ADGRL3: variants seen among roughly 807,000 people sequenced by gnomAD.
The protein encoded by ADGRL3 is adhesion G protein-coupled receptor L3.
In ADGRL3, 62 loss-of-function variants were observed where a neutral mutation model predicts 153.5. The observed-to-expected ratio is 0.40, with a 90% CI of 0.33 to 0.50. The LOEUF is 0.50. ADGRL3 is among the 20% of genes least tolerant of loss of function. The pLI is 0.47. For missense variants in ADGRL3, 1,641 were observed against 1,859.4 expected, an observed-to-expected ratio of 0.88 and a Z score of 2.16; for synonymous variants, 710 against 672.5, an observed-to-expected ratio of 1.06 and a Z score of -0.86.
intron 8 of ADGRL3, among the ~76,000 whole-genome samples, chr4:61,768,810 T>G (rs1222043130): frequency 2.0e-5 from 3 of 149,554 alleles, no homozygotes; most frequent in African/African-American, 2.5e-5. Context: ...GGGGTGGGGG[T>G]TTCTTCCCCT....
At position 61,757,105 on chromosome 4, in the gene ADGRL3, G is replaced by C. The variant is rs990117104; in HGVS notation, c.1399+23551G>C. On this transcript the variant is annotated intron_variant, in intron 8 of 26. Coordinates refer to ENST00000683033, the MANE Select transcript of ADGRL3 (RefSeq NM_001387552.1). ...TCTTTTTTGGTTGTGTCTCTGCCCG[G>C]CTTTTGGTTCAGGATGATGCTGGCC... 3.9e-5 allele frequency among the ~76,000 whole-genome samples: 6 copies of C among 152,216 alleles called. No homozygotes were observed. In the South Asian group the frequency reaches 6.2e-4, roughly 16 times the overall value.
intron 17 of ADGRL3, among the ~76,000 whole-genome samples, chr4:61,958,592 G>A (rs2098976657): frequency 6.6e-6 from 1 of 152,114 alleles, no homozygotes; most frequent in Admixed American, 6.5e-5. Flanking sequence ...GGCAGAAGGT[G>A]AAGGGGAAGC....
chr4:61,300,372 G>A (rs888301230), intron 1 of ADGRL3, among the ~76,000 whole-genome samples: 5 of 152,172 alleles, frequency 3.3e-5, no homozygotes, highest in South Asian at 2.1e-4. Context: ...CAAGCTTAAT[G>A]TACAATCTAT....
chr4:61,953,669 C>A (rs1289004742), intron 17 of ADGRL3, among the ~76,000 whole-genome samples: 2 of 152,110 alleles, frequency 1.3e-5, no homozygotes, highest in East Asian at 3.9e-4. Context: ...GAAACTGCAG[C>A]TAGAGTCATA....
intron 21 of ADGRL3, among the ~76,000 whole-genome samples, chr4:62,027,424 T>A (rs1191839426): frequency 1.3e-5 from 2 of 152,040 alleles, no homozygotes; most frequent in Non-Finnish European, 2.9e-5. Flanking sequence ...TTGTGACTGA[T>A]ATGACTGAGG....
intron 4 of ADGRL3, among the ~76,000 whole-genome samples, chr4:61,549,289 C>T (rs1452145954): frequency 2.0e-5 from 3 of 151,938 alleles, no homozygotes; most frequent in African/African-American, 7.2e-5. Flanking sequence ...TTCCTCTCTT[C>T]CTATTTGGAT....
At position 62,057,830 on chromosome 4, in the gene ADGRL3, G is replaced by A. The variant is rs1011844305; in HGVS notation, c.3815-10336G>A. Among the ~76,000 whole-genome samples the A allele has an allele frequency of 5.3e-5, 8 of 151,730 alleles. No homozygotes were observed. In the East Asian group the frequency reaches 5.8e-4, roughly 11 times the overall value. On this transcript the variant is annotated intron_variant, in intron 25 of 26. Transcript: ENST00000683033. ...GTAGCTGGTACTACAGGCACACTCC[G>A]CCACGCCTGGCCAATTTTTTTGTAT... is the stretch of plus-strand genomic sequence containing the variant.
At chr4:61,246,229 T>C (rs773569265) in intron 1 of ADGRL3, among the ~76,000 whole-genome samples, 7 of 152,038 alleles carry the variant, frequency 4.6e-5, no homozygotes, top group Non-Finnish European at 1.0e-4. Context: ...TTCTGGTTCT[T>C]TTCCCTCACT....
chr4:61,754,419 G>C (rs1561187404), intron 8 of ADGRL3, among the ~76,000 whole-genome samples: 1 of 151,870 alleles, frequency 6.6e-6, no homozygotes, highest in Non-Finnish European at 1.5e-5. Context: ...GAGAGAAAAA[G>C]AGAAGAAGTT....
rs1026909527 is a variant in ADGRL3 at position 62,074,809 on chromosome 4, T to A, written c.*3901T>A. The A allele has an allele frequency of 6.6e-6, 1 of 152,188 alleles. No homozygotes were observed. Among genetic ancestry groups the A allele is most frequent in the African/African-American group, 2.4e-5 (1 of 41,450 alleles). 9.4% of individuals were successfully genotyped at this position (152,188 alleles called of 1,614,324 possible). On this transcript the variant is annotated 3_prime_UTR_variant, in exon 27 of 27. Coordinates refer to ENST00000683033, the MANE Select transcript of ADGRL3 (RefSeq NM_001387552.1). ...CATATTAAGGAAAGGATCTTTAAGATCTAGGTTTAAGATTCTTATTAGTAT... is the reference window on the plus strand; with the variant it reads ...CATATTAAGGAAAGGATCTTTAAGAACTAGGTTTAAGATTCTTATTAGTAT...
intron 5 of ADGRL3, among the ~76,000 whole-genome samples, chr4:61,649,406 G>T: frequency 6.6e-6 from 1 of 151,990 alleles, no homozygotes; most frequent in South Asian, 2.1e-4. Context: ...TTAATTCTCA[G>T]AACCTGTTCG....
chr4:61,267,863 T>A (rs943967829), intron 1 of ADGRL3, among the ~76,000 whole-genome samples: 1 of 151,482 alleles, frequency 6.6e-6, no homozygotes, highest in Non-Finnish European at 1.5e-5. Flanking sequence ...TTGATTAGAG[T>A]ACTATAATTA....
chr4:62,032,410 C>T lies in ADGRL3; in HGVS notation c.3591+800C>T, dbSNP rs566671816. On this transcript the variant is annotated intron_variant, in intron 23 of 26. Coordinates refer to ENST00000683033, the MANE Select transcript of ADGRL3 (RefSeq NM_001387552.1). ...GTGATCTCGATAGGTCCAGTCACAA[C>T]GACCCCTCAGCCAGATTGCCTGGGT... is the stretch of plus-strand genomic sequence containing the variant. Among the ~76,000 whole-genome samples, 5 of 151,390 alleles carry T rather than the reference C, an allele frequency of 3.3e-5. No individual in the cohort carries two copies. The South Asian group carries it at 6.2e-4, about 19-fold the overall frequency.
chr4:61,692,299 C>T (rs957906666), intron 6 of ADGRL3, among the ~76,000 whole-genome samples: 1 of 149,960 alleles, frequency 6.7e-6, no homozygotes, highest in Admixed American at 6.7e-5. Flanking sequence ...TTCTTTTCTA[C>T]CCTCTTCTCT....
chr4:61,313,017 A>G lies in ADGRL3; in HGVS notation c.-239-70107A>G, dbSNP rs144494289. ...TGGATAAGCAGACAGTGGTATATCC[A>G]TACAATGGTGTGTTATTCAGAGATA... On this transcript the variant is annotated intron_variant, in intron 1 of 26. Transcript: ENST00000683033. 2.0e-5 allele frequency among the ~76,000 whole-genome samples: 3 copies of G among 152,334 alleles called. No individual in the cohort carries two copies. The East Asian group carries it at 5.8e-4, about 29-fold the overall frequency.
chr4:61,709,132 T>A (rs1407167216), intron 6 of ADGRL3, among the ~76,000 whole-genome samples: 1 of 152,148 alleles, frequency 6.6e-6, no homozygotes, highest in Non-Finnish European at 1.5e-5. Context: ...TCAAGGCCTA[T>A]TATACACAGA....
chr4:61,629,087 C>A (rs1377409694), intron 5 of ADGRL3, among the ~76,000 whole-genome samples: 1 of 152,062 alleles, frequency 6.6e-6, no homozygotes, highest in African/African-American at 2.4e-5. Flanking sequence ...TGCAGAGAAG[C>A]AGGGTGAGAA....
chr4:61,582,926 A>G (rs1397977770), intron 4 of ADGRL3, among the ~76,000 whole-genome samples: 2 of 151,970 alleles, frequency 1.3e-5, no homozygotes, highest in East Asian at 3.9e-4. Flanking sequence ...TCACTTAGCT[A>G]CTTTATATAT....
chr4:61,490,244 G>A (rs1426217369), intron 2 of ADGRL3, among the ~76,000 whole-genome samples: 5 of 151,282 alleles, frequency 3.3e-5, no homozygotes, highest in East Asian at 1.9e-4. Context: ...TTATCTCCTC[G>A]GTTTTTTTCA....
Sources: allele counts gnomAD v4.1 joint callset (sites outside exome capture counted in the v4.1 genomes callset), GRCh38; gene constraint gnomAD v4.1.1; transcripts MANE v1.5; gene names NCBI Gene and HGNC (gene_info 2026-07-23, HGNC 2026-07-21).